DCAF4: variants seen among roughly 807,000 people sequenced by gnomAD.
DCAF4 encodes the protein DDB1 and CUL4 associated factor 4.
DCAF4 carries 37 observed loss-of-function variants against 60.9 expected under a neutral mutation model. The observed-to-expected ratio is 0.61, with a 90% confidence interval of 0.47 to 0.80. The LOEUF is 0.80. Ranked by LOEUF, DCAF4 falls within the 30% of genes least tolerant of loss-of-function variation. DCAF4 has a pLI of 0.00. For missense variants in DCAF4, 577 were observed against 650.0 expected (o/e 0.89, Z 1.22); for synonymous variants, 243 against 254.8 (o/e 0.95, Z 0.44).
Position 72,959,108 on chromosome 14 carries a change from A to G in DCAF4, c.*303A>G. ...TTTTCTTAACAAAAAGGACTTTTCT[A>G]AGGACTGAAGATTGGCAAAAACGAA... On this transcript the variant is annotated 3_prime_UTR_variant, in exon 14 of 14. Coordinates refer to ENST00000358377, the MANE Select transcript of DCAF4 (RefSeq NM_015604.4). The G allele has an allele frequency of 4.7e-6, 5 of 1,061,466 alleles. No individual in the cohort carries two copies. Among genetic ancestry groups the G allele is most frequent in the Non-Finnish European group, 5.7e-6 (5 of 878,904 alleles). The allele number at this position is 1,061,466 out of a possible 1,614,324, so 65.8% of individuals were successfully genotyped here.
rs992405184 is a variant in DCAF4, at chr14:72,940,264, C to T, written c.238C>T (p.Arg80Cys). Reference sequence around the variant, plus strand: ...TGACCCTGAAAAGAAACGCTACTTCCGCTTGCTCCCTGGACATAACAACTG... The same window carrying T: ...TGACCCTGAAAAGAAACGCTACTTCTGCTTGCTCCCTGGACATAACAACTG... The part of the protein sequence containing the change: ...YFDPEKKRYF[R>C]LLPGHNNCNP... The change falls in exon 4 of 14, where the codon CGC (arginine) becomes TGC (cysteine). Residue 80 changes from arginine to cysteine, a missense_variant. Physicochemically the swap from Arg to Cys is radical, Grantham distance 180. Coordinates refer to ENST00000358377, the MANE Select transcript of DCAF4 (RefSeq NM_015604.4). 30 of 1,614,082 alleles carry T rather than the reference C, an allele frequency of 1.9e-5. No individual in the cohort carries two copies. Among genetic ancestry groups the T allele is most frequent in the Non-Finnish European group, 2.4e-5 (28 of 1,180,028 alleles).
chr14:72,928,777 A>G (rs533445619), intron 1 of DCAF4, among the ~76,000 whole-genome samples: 1 of 152,044 alleles, frequency 6.6e-6, no homozygotes, highest in Non-Finnish European at 1.5e-5. Flanking sequence ...CCCCAGTCTC[A>G]GAGCCCCGGT....
At chr14:72,940,962 CTG>C (rs1889965745) in intron 4 of DCAF4, among the ~76,000 whole-genome samples, 1 of 41,366 alleles carries the variant, frequency 2.4e-5, no homozygotes, top group African/African-American at 5.7e-5. Flanking sequence ...ATTTTAGTAA[CTG>C]TTTTTTGGGG....
At chr14:72,951,176 T>TA (rs1216751758) in intron 8 of DCAF4, among the ~76,000 whole-genome samples, 9 of 152,162 alleles carry the variant, frequency 5.9e-5, no homozygotes, top group African/African-American at 2.2e-4. Flanking sequence ...AGACAAGGTT[T>TA]TGCTGTGTTT....
chr14:72,943,207 A>C, intron 6 of DCAF4, 111 bp downstream of exon 6: 1 of 910,410 alleles, frequency 1.1e-6, no homozygotes, highest in Non-Finnish European at 1.7e-6. Flanking sequence ...ACTGCAATGA[A>C]AGTAGGTGGC....
At chr14:72,944,936 A>G (rs1352437585) in intron 6 of DCAF4, among the ~76,000 whole-genome samples, 2 of 150,676 alleles carry the variant, frequency 1.3e-5, no homozygotes, top group African/African-American at 2.5e-5. Context: ...TAAAAATACA[A>G]AAATCAGCTG....
At chr14:72,929,120 C>G (rs1348676132) in intron 1 of DCAF4, among the ~76,000 whole-genome samples, 2 of 151,752 alleles carry the variant, frequency 1.3e-5, no homozygotes, top group African/African-American at 4.8e-5. Context: ...CACCCCGCCC[C>G]CCACCCCGCC....
chr14:72,932,710 T>C (rs34433136), intron 1 of DCAF4, among the ~76,000 whole-genome samples: 29,165 of 152,022 alleles, frequency 0.19, 3,613 homozygotes, highest in East Asian at 0.43. Context: ...TTTTCTCAGC[T>C]TTAGCACTGT....
chr14:72,953,718 AAAAAAAAAAAAAAAAT>A lies in DCAF4; in HGVS notation c.809-444_809-429del, dbSNP rs1442811480. Among the ~76,000 whole-genome samples, 180 of 47,426 alleles carry A rather than the reference AAAAAAAAAAAAAAAAT, an allele frequency of 3.8e-3. 9 individuals are homozygous for A. The highest frequency in any genetic ancestry group is 0.017 in the African/African-American group (168 of 9,778). The allele number at this position is 47,426 out of a possible 152,430, so 31.1% of individuals were successfully genotyped here. ...GAACAAGACCCTGTCTTAAAAAAAA[AAAAAAAAAAAAAAAAT>A]ATATATATATATATATATATATATA... is the stretch of plus-strand genomic sequence containing the variant. On this transcript the variant is annotated intron_variant, in intron 9 of 13. Coordinates refer to ENST00000358377, the MANE Select transcript of DCAF4 (RefSeq NM_015604.4).
intron 7 of DCAF4, among the ~76,000 whole-genome samples, chr14:72,946,295 C>T (rs189999226): frequency 5.1e-4 from 77 of 150,798 alleles, no homozygotes; most frequent in East Asian, 1.6e-3. Flanking sequence ...CTTGGGGGCT[C>T]GGGGGGAGGT....
At chr14:72,954,087 G>C in intron 9 of DCAF4, 77 bp from the exon 10 acceptor site, 1 of 1,462,584 alleles carries the variant, frequency 6.8e-7, no homozygotes, top group Non-Finnish European at 9.6e-7. Context: ...GGGCATATTT[G>C]GATGTTTTCC....
downstream of DCAF4, among the ~76,000 whole-genome samples, chr14:72,960,085 G>C (rs1374628892): frequency 6.6e-6 from 1 of 151,970 alleles, no homozygotes; most frequent in Non-Finnish European, 1.5e-5. Context: ...TCACTAGGTA[G>C]ACTCGCAGTT....
chr14:72,943,296 C>T (rs1384141643), intron 6 of DCAF4, among the ~76,000 whole-genome samples, 200 bp downstream of exon 6: 1 of 152,184 alleles, frequency 6.6e-6, no homozygotes, highest in Non-Finnish European at 1.5e-5. Flanking sequence ...GGCTGTGGGG[C>T]GACCATCATC....
intron 13 of DCAF4, 58 bp from the exon 14 acceptor site, chr14:72,958,554 G>T: frequency 1.3e-6 from 2 of 1,599,992 alleles, no homozygotes; most frequent in South Asian, 1.1e-5. Context: ...TCCACATGTA[G>T]GTAAGTTTTC....
intron 1 of DCAF4, among the ~76,000 whole-genome samples, chr14:72,927,243 A>G (rs1429512656): frequency 6.6e-6 from 1 of 152,042 alleles, no homozygotes; most frequent in East Asian, 1.9e-4. Flanking sequence ...GCGCAGCCAG[A>G]AGCAAAGAAA....
At chr14:72,938,166 G>A in intron 2 of DCAF4, 96 bp downstream of exon 2, 7 of 1,448,510 alleles carry the variant, frequency 4.8e-6, no homozygotes, top group Non-Finnish European at 6.4e-6. Context: ...AGATCACCTG[G>A]GGGCTCGTCC....
chr14:72,954,687 A>G (rs1228497549), intron 11 of DCAF4, among the ~76,000 whole-genome samples: 2 of 152,190 alleles, frequency 1.3e-5, no homozygotes, highest in African/African-American at 4.8e-5. Flanking sequence ...GAGTTGCTCT[A>G]CACAACCTCT....
intron 6 of DCAF4, among the ~76,000 whole-genome samples, chr14:72,944,507 C>T (rs1361967988): frequency 6.6e-6 from 1 of 152,146 alleles, no homozygotes; most frequent in Non-Finnish European, 1.5e-5. Flanking sequence ...CTTAAAATAG[C>T]CCACATCTGG....
intron 6 of DCAF4, among the ~76,000 whole-genome samples, chr14:72,943,878 G>A (rs1890374683): frequency 6.6e-6 from 1 of 152,172 alleles, no homozygotes; most frequent in Admixed American, 6.5e-5. Flanking sequence ...GATTGACCCT[G>A]GAGGTTGATA....
Sources: gnomAD v4.1 joint callset for allele counts (sites outside exome capture counted in the v4.1 genomes callset) on GRCh38, gnomAD v4.1.1 for gene constraint, MANE v1.5 for transcripts, NCBI Gene and HGNC (gene_info 2026-07-23, HGNC 2026-07-21) for gene names.